Variants in DNAH11 observed in about 807,000 individuals in gnomAD.
The protein encoded by DNAH11 is axonemal beta dynein heavy chain 11.
In DNAH11, 442 loss-of-function variants were observed where a neutral mutation model predicts 526.0. The ratio of observed to expected loss-of-function variants is 0.84; its 90% CI spans 0.78 to 0.91. The LOEUF is 0.91. Ranked by LOEUF, DNAH11 falls within the 40% of genes least tolerant of loss-of-function variation. The pLI, the probability that DNAH11 is intolerant of heterozygous loss-of-function variation, is 0.00. For synonymous variants in DNAH11, 2,461 were observed against 1,935.9 expected, an observed-to-expected ratio of 1.27 and a Z score of -7.12; for missense variants, 6,989 against 5,448.7, an observed-to-expected ratio of 1.28 and a Z score of -8.90.
intron 20 of DNAH11, among the ~76,000 whole-genome samples, chr7:21,612,253 T>G (rs1785552459): frequency 6.6e-6 from 1 of 151,646 alleles, no homozygotes. Context: ...ACAAAAAAAT[T>G]TCCAAAACAG....
chr7:21,737,981 T>TA (rs1172151461), intron 46 of DNAH11, among the ~76,000 whole-genome samples: 1 of 152,144 alleles, frequency 6.6e-6, no homozygotes, highest in Non-Finnish European at 1.5e-5. Flanking sequence ...TTTGCTCATT[T>TA]AAAAAAAGTA....
At chr7:21,672,994 A>G (rs375075320) in intron 30 of DNAH11, among the ~76,000 whole-genome samples, 10 of 152,170 alleles carry the variant, frequency 6.6e-5, no homozygotes, top group Non-Finnish European at 7.3e-5. Flanking sequence ...TGTGTATCCT[A>G]TACACCCCAA....
intron 15 of DNAH11, among the ~76,000 whole-genome samples, chr7:21,600,329 G>A (rs1441504500): frequency 6.6e-6 from 1 of 151,930 alleles, no homozygotes; most frequent in Non-Finnish European, 1.5e-5. Context: ...GTGGTGGCAT[G>A]CATCTGTAGT....
intron 45 of DNAH11, among the ~76,000 whole-genome samples, chr7:21,729,293 T>C (rs1469825629): frequency 1.3e-5 from 2 of 152,230 alleles, no homozygotes; most frequent in African/African-American, 4.8e-5. Context: ...ATATTTCTGC[T>C]GGTATAACCC....
chr7:21,852,950 C>A (rs369167025), intron 67 of DNAH11, among the ~76,000 whole-genome samples: 1 of 152,142 alleles, frequency 6.6e-6, no homozygotes, highest in African/African-American at 2.4e-5. Context: ...CCTTAGCATC[C>A]GGCTCTTCCA....
chr7:21,783,876 G>A (rs768230813), intron 57 of DNAH11, among the ~76,000 whole-genome samples: 25 of 152,066 alleles, frequency 1.6e-4, no homozygotes, highest in Admixed American at 2.6e-4. Flanking sequence ...CCAGTAATTC[G>A]TCTTCACTAA....
In DNAH11 at chr7:21,668,321, T is replaced by A. The variant is rs977656378; in HGVS notation, c.5328+9290T>A. ...CAGAGCAAAGGGCATGTTGACTTATTTTTTAGTATAATAAAAATAATATCT... is the reference window on the plus strand; with the variant it reads ...CAGAGCAAAGGGCATGTTGACTTATATTTTAGTATAATAAAAATAATATCT... On this transcript the variant is annotated intron_variant, in intron 30 of 81. Transcript: ENST00000409508. 1.3e-4 allele frequency among the ~76,000 whole-genome samples: 20 copies of A among 152,092 alleles called. 1 individual carries two copies. Among genetic ancestry groups the A allele is most frequent in the Admixed American group, 1.2e-3 (18 of 15,222 alleles).
At chr7:21,895,618 C>A (rs1784483665) in intron 79 of DNAH11, among the ~76,000 whole-genome samples, 1 of 152,194 alleles carries the variant, frequency 6.6e-6, no homozygotes. Flanking sequence ...CTTTTTGGTG[C>A]TGAGTTTCTT....
chr7:21,668,015 G>T (rs552022815), intron 30 of DNAH11, among the ~76,000 whole-genome samples: 56 of 152,146 alleles, frequency 3.7e-4, no homozygotes, highest in Non-Finnish European at 7.2e-4. Context: ...AACTGTTCTG[G>T]AATATAAACA....
At position 21,872,123 on chromosome 7, in the gene DNAH11, CAAAAAAAAAA is replaced by C. The variant is rs776718319; in HGVS notation, c.11968-1134_11968-1125del. 7.6e-3 allele frequency among the ~76,000 whole-genome samples: 233 copies of C among 30,832 alleles called. 8 individuals carry two copies. In the East Asian group the frequency reaches 0.18, roughly 23 times the overall value. 20.2% of individuals were successfully genotyped at this position (30,832 alleles called of 152,430 possible). A position where few individuals can be genotyped will look rare whatever the true frequency, so the allele number is the denominator to read the frequency against. On this transcript the variant is annotated intron_variant, in intron 73 of 81. Transcript: ENST00000409508. ...TGGGTGACAGAGCGAGACTCTGTCTCAAAAAAAAAAAAAAAAAAAAAAAAAACCTTCATAA... is the reference window on the plus strand; with the variant it reads ...TGGGTGACAGAGCGAGACTCTGTCTCAAAAAAAAAAAAAAAACCTTCATAA...
At chr7:21,564,434 T>C (rs767173353) in intron 6 of DNAH11, 37 bp downstream of exon 6, 1 of 1,530,198 alleles carries the variant, frequency 6.5e-7, no homozygotes, top group East Asian at 2.3e-5. Context: ...ATAAGAATTG[T>C]TGCTGTGAGG....
chr7:21,849,904 C>T (rs1038436138), intron 66 of DNAH11, among the ~76,000 whole-genome samples: 10 of 151,318 alleles, frequency 6.6e-5, no homozygotes, highest in African/African-American at 2.4e-4. Context: ...AATCTTTCTT[C>T]TGCTCATTTT....
chr7:21,574,322 G>C (rs1386183857), intron 8 of DNAH11, among the ~76,000 whole-genome samples: 1 of 152,174 alleles, frequency 6.6e-6, no homozygotes, highest in Non-Finnish European at 1.5e-5. Flanking sequence ...CTGTTAATGA[G>C]AGCCAGTTAA....
intron 8 of DNAH11, among the ~76,000 whole-genome samples, chr7:21,579,889 T>G (rs73682640): frequency 1.1e-3 from 163 of 152,232 alleles, no homozygotes; most frequent in African/African-American, 3.6e-3. Flanking sequence ...GCAATAATGG[T>G]GACTTGGACC....
At chr7:21,701,801 T>G (rs955187207) in intron 36 of DNAH11, among the ~76,000 whole-genome samples, 2 of 152,204 alleles carry the variant, frequency 1.3e-5, no homozygotes, top group Non-Finnish European at 2.9e-5. Flanking sequence ...ATAAAGTAGG[T>G]GGGTGCTTTT....
At chr7:21,789,781 C>CTTTCTTTCTTTCTTTCTTTCTTTCTTT (rs1554281368) in intron 61 of DNAH11, among the ~76,000 whole-genome samples, 49 of 77,162 alleles carry the variant, frequency 6.4e-4, no homozygotes, top group South Asian at 9.3e-4. Context: ...TTCTTTCTTT[C>CTTTCTTTCTTTCTTTCTTTCTTTCTTT]TTTCTTTCTT....
intron 42 of DNAH11, among the ~76,000 whole-genome samples, chr7:21,712,308 T>C (rs949417311): frequency 1.3e-5 from 2 of 152,216 alleles, no homozygotes; most frequent in Admixed American, 1.3e-4. Context: ...TTCTTCTACC[T>C]TTTGGCTATT....
intron 25 of DNAH11, among the ~76,000 whole-genome samples, chr7:21,623,901 C>T (rs1313730207): frequency 1.3e-5 from 2 of 151,440 alleles, no homozygotes; most frequent in Non-Finnish European, 2.9e-5. Context: ...ACCAGCATGG[C>T]ACATGTATAC....
intron 76 of DNAH11, among the ~76,000 whole-genome samples, chr7:21,887,716 T>A (rs1450396037): frequency 6.6e-6 from 1 of 152,222 alleles, no homozygotes; most frequent in Non-Finnish European, 1.5e-5. Flanking sequence ...TGGCTATACA[T>A]TAATCTGTGA....
Sources: gnomAD v4.1 joint callset for allele counts (sites outside exome capture counted in the v4.1 genomes callset) on GRCh38, gnomAD v4.1.1 for gene constraint, MANE v1.5 for transcripts, NCBI Gene and HGNC (gene_info 2026-07-23, HGNC 2026-07-21) for gene names.